ZFP14: variants seen among roughly 807,000 people sequenced by gnomAD.
ZFP14 encodes zinc finger protein 14 homolog.
A neutral mutation model predicts 54.5 loss-of-function variants in ZFP14; 22 were observed. The ratio of observed to expected loss-of-function variants is 0.40; its 90% CI spans 0.29 to 0.58. The LOEUF is 0.58. Among genes scored for constraint, ZFP14 ranks in the 20% least tolerant of loss-of-function variants. The probability of loss-of-function intolerance (pLI) is 0.39; values close to 1 mark genes in which losing one functional copy is unlikely to be tolerated. For missense variants in ZFP14, 470 were observed against 637.8 expected (o/e 0.74, Z 2.83); for synonymous variants, 159 against 204.0 (o/e 0.78, Z 1.88).
In ZFP14 at chr19:36,338,845, T is replaced by A. The variant is rs972907578; in HGVS notation, c.*1379A>T. On this transcript the variant is annotated 3_prime_UTR_variant, in exon 5 of 5. Coordinates refer to ENST00000270001, the MANE Select transcript of ZFP14 (RefSeq NM_020917.3). Reference sequence around the variant, plus strand: ...TTGTTTCTTTCCCACAGGAGTTTTATACACACACATAAATATACACAACAA... The same window carrying A: ...TTGTTTCTTTCCCACAGGAGTTTTAAACACACACATAAATATACACAACAA... The A allele has an allele frequency of 3.9e-5, 6 of 152,234 alleles. No individual in the cohort carries two copies. The highest frequency in any genetic ancestry group is 6.5e-5 in the Admixed American group (1 of 15,286). 9.4% of individuals were successfully genotyped at this position (152,234 alleles called of 1,614,324 possible). A position where few individuals can be genotyped will look rare whatever the true frequency, so the allele number is the denominator to read the frequency against.
chr19:36,337,747 G>A lies in ZFP14; in HGVS notation c.*2477C>T, dbSNP rs892587936. 6.6e-6 allele frequency: 1 copy of A among 152,002 alleles called. No individual in the cohort carries two copies. Among genetic ancestry groups the A allele is most frequent in the African/African-American group, 2.4e-5 (1 of 41,378 alleles). 9.4% of individuals were successfully genotyped at this position (152,002 alleles called of 1,614,324 possible). A position where few individuals can be genotyped will look rare whatever the true frequency, so the allele number is the denominator to read the frequency against. On this transcript the variant is annotated 3_prime_UTR_variant, in exon 5 of 5. Coordinates refer to ENST00000270001, the MANE Select transcript of ZFP14 (RefSeq NM_020917.3). ...TGGTGTGGACTTCCTATTGCATTAC[G>A]TCAGGAAGTGTGTTGTCTGATAGAC...
intron 1 of ZFP14, among the ~76,000 whole-genome samples, chr19:36,376,531 C>A (rs984923851): frequency 1.3e-5 from 2 of 148,936 alleles, no homozygotes; most frequent in Non-Finnish European, 1.5e-5. Flanking sequence ...GGTGACAGAG[C>A]AAAACTCTGT....
At chr19:36,358,503 T>C (rs2031658915) in intron 4 of ZFP14, among the ~76,000 whole-genome samples, 1 of 152,238 alleles carries the variant, frequency 6.6e-6, no homozygotes, top group Non-Finnish European at 1.5e-5. Context: ...CTTAGGACTT[T>C]CTATGTACAC....
intron 4 of ZFP14, among the ~76,000 whole-genome samples, chr19:36,355,598 G>C (rs555732313): frequency 7.1e-6 from 1 of 139,920 alleles, no homozygotes; most frequent in Non-Finnish European, 1.6e-5. Context: ...CGGGAGGATT[G>C]CTTGGGCCCA....
intron 1 of ZFP14, among the ~76,000 whole-genome samples, chr19:36,369,084 C>T (rs1036422718): frequency 3.9e-5 from 6 of 152,146 alleles, no homozygotes; most frequent in Admixed American, 6.5e-5. Flanking sequence ...TCAGGTGATC[C>T]GCCCGCCTCG....
In ZFP14 at chr19:36,339,681, T is replaced by C. The variant is rs976249996; in HGVS notation, c.*543A>G. On this transcript the variant is annotated 3_prime_UTR_variant, in exon 5 of 5. Transcript: ENST00000270001. ...TCACGGAAATACATTGGGTAACAAC[T>C]ATGTTAGTCTGGATGTGGATCCTTC... 6.6e-6 allele frequency: 1 copy of C among 152,446 alleles called. No homozygotes were observed. The highest frequency in any genetic ancestry group is 1.9e-4 in the East Asian group (1 of 5,198). The allele number at this position is 152,446 out of a possible 1,614,324, so 9.4% of individuals were successfully genotyped here.
chr19:36,348,653 T>C (rs1316940190), intron 4 of ZFP14, among the ~76,000 whole-genome samples: 2 of 151,998 alleles, frequency 1.3e-5, no homozygotes, highest in Non-Finnish European at 2.9e-5. Flanking sequence ...TGCACCACCA[T>C]GCCCTGCTAA....
intron 1 of ZFP14, among the ~76,000 whole-genome samples, chr19:36,368,974 C>T (rs1171075355): frequency 6.6e-6 from 1 of 151,044 alleles, no homozygotes; most frequent in Admixed American, 6.6e-5. Flanking sequence ...CTCCTGAGTA[C>T]AGGTACATGC....
In ZFP14 at chr19:36,335,805, G is replaced by C. The variant is rs1400021766; in HGVS notation, c.*4419C>G. 4.6e-5 allele frequency: 7 copies of C among 150,916 alleles called. No homozygotes were observed. Among genetic ancestry groups the C allele is most frequent in the African/African-American group, 1.5e-4 (6 of 40,936 alleles). 9.3% of individuals were successfully genotyped at this position (150,916 alleles called of 1,614,324 possible). ...GCTGGAGTGCAGTGGCGTGATCTTG[G>C]TTCACCGCAACCTCTGCCTCCTGGG... On this transcript the variant is annotated 3_prime_UTR_variant, in exon 5 of 5. Coordinates refer to ENST00000270001, the MANE Select transcript of ZFP14 (RefSeq NM_020917.3).
intron 4 of ZFP14, among the ~76,000 whole-genome samples, chr19:36,353,663 A>G (rs945771576): frequency 1.7e-5 from 2 of 119,292 alleles, no homozygotes; most frequent in African/African-American, 6.5e-5. Flanking sequence ...GCGCCACTAC[A>G]CTCCAGTCTG....
intron 2 of ZFP14, among the ~76,000 whole-genome samples, chr19:36,366,688 G>A (rs114744998): frequency 0.012 from 1,809 of 152,148 alleles, 36 homozygotes; most frequent in African/African-American, 0.041. Context: ...GGTTACCCTG[G>A]GCAGTAGGTG....
At chr19:36,343,811 T>C (rs2031365735) in intron 4 of ZFP14, among the ~76,000 whole-genome samples, 1 of 152,092 alleles carries the variant, frequency 6.6e-6, no homozygotes, top group Admixed American at 6.6e-5. Context: ...GGGCTGAGTG[T>C]GCTAGCTCAG....
At chr19:36,359,553 G>C (rs1022507045) in intron 4 of ZFP14, among the ~76,000 whole-genome samples, 3 of 150,840 alleles carry the variant, frequency 2.0e-5, no homozygotes, top group African/African-American at 7.3e-5. Context: ...TCTTGTGTCA[G>C]TTCCGGTAAG....
intron 4 of ZFP14, among the ~76,000 whole-genome samples, chr19:36,347,341 G>A (rs2031435838): frequency 6.6e-6 from 1 of 152,220 alleles, no homozygotes; most frequent in African/African-American, 2.4e-5. Flanking sequence ...TGGGCGCAAT[G>A]GCTCACGTCT....
In ZFP14 at chr19:36,341,278, C is replaced by T. The variant is rs769665954; in HGVS notation, c.548G>A (p.Arg183His). The T allele has an allele frequency of 7.4e-6, 12 of 1,614,138 alleles. No homozygotes were observed. Among genetic ancestry groups the T allele is most frequent in the Middle Eastern group, 1.6e-4 (1 of 6,062 alleles). ...CAGGTGTTGACTAAGTGTTGAGCGA[C>T]GAATAAAGGTCTTCCTACACTCCTT... ...ECKECRKTFIRRSTLSQHLRI... is the reference protein window; with the variant it reads ...ECKECRKTFIHRSTLSQHLRI... Residue 183 changes from arginine to histidine, a missense_variant, in exon 5 of 5, where the codon CGT becomes CAT. Physicochemically the swap from Arg to His is conservative, Grantham distance 29. Transcript: ENST00000270001. The surrounding 1 kb of genome is among the most constrained non-coding windows in gnomAD (Gnocchi z 4.2).
rs1241949352 is a variant in ZFP14 at position 36,340,180 on chromosome 19, T to G, written c.*44A>C. 2 of 1,481,434 alleles carry G rather than the reference T, an allele frequency of 1.4e-6. No homozygotes were observed. Among genetic ancestry groups the G allele is most frequent in the East Asian group, 4.6e-5 (2 of 43,384 alleles). The allele number at this position is 1,481,434 out of a possible 1,614,324, so 91.8% of individuals were successfully genotyped here. Reference sequence around the variant, plus strand: ...AACACATTTTCTCAAAAATGAATTTTCTGATGTTCTGTAACATCATATACA... The same window carrying G: ...AACACATTTTCTCAAAAATGAATTTGCTGATGTTCTGTAACATCATATACA... On this transcript the variant is annotated 3_prime_UTR_variant, in exon 5 of 5. Transcript: ENST00000270001. This position sits in a 1 kb window ranked among gnomAD's most constrained non-coding sequence, Gnocchi z 5.4.
At chr19:36,363,189 CTTTTTTTTTT>C (rs772799449) in intron 2 of ZFP14, among the ~76,000 whole-genome samples, 1 of 97,752 alleles carries the variant, frequency 1.0e-5, no homozygotes, top group Non-Finnish European at 2.0e-5. Flanking sequence ...CTTTTCTTTT[CTTTTTTTTTT>C]TTTTTTTTTT....
At chr19:36,375,542 C>T (rs1311064230) in intron 1 of ZFP14, among the ~76,000 whole-genome samples, 1 of 151,158 alleles carries the variant, frequency 6.6e-6, no homozygotes, top group Non-Finnish European at 1.5e-5. Context: ...CGCATGCCAC[C>T]ACACCCAGCT....
At chr19:36,345,874 A>G (rs905045418) in intron 4 of ZFP14, among the ~76,000 whole-genome samples, 2 of 152,338 alleles carry the variant, frequency 1.3e-5, no homozygotes, top group Admixed American at 6.5e-5. Context: ...AGGAAAATAT[A>G]TGAGTATCCC....
Sources: allele counts gnomAD v4.1 joint callset (sites outside exome capture counted in the v4.1 genomes callset), GRCh38; gene constraint gnomAD v4.1.1; non-coding constraint Gnocchi (gnomAD v3.1); transcripts MANE v1.5; gene names NCBI Gene and HGNC (gene_info 2026-07-23, HGNC 2026-07-21).